Variants in NME8 observed in about 807,000 individuals in gnomAD.
NME8 encodes the protein NME/NM23 family member 8.
Under a neutral mutation model 82.3 loss-of-function variants are expected in NME8, and 72 were observed. The ratio of observed to expected loss-of-function variants is 0.87; its 90% CI spans 0.72 to 1.06. The LOEUF (loss-of-function observed/expected upper bound fraction) is 1.06, where lower values mean the gene tolerates loss of function less well. Among genes scored for constraint, NME8 ranks in the 50% least tolerant of loss-of-function variants. NME8 has a pLI of 0.00. For synonymous variants in NME8, 267 were observed against 228.5 expected, an observed-to-expected ratio of 1.17 and a Z score of -1.52; for missense variants, 712 against 685.4, an observed-to-expected ratio of 1.04 and a Z score of -0.43.
chr7:37,860,868 T>C (rs1456722896), intron 6 of NME8, among the ~76,000 whole-genome samples: 3 of 152,210 alleles, frequency 2.0e-5, no homozygotes, highest in Non-Finnish European at 4.4e-5. Flanking sequence ...ACTTATAATT[T>C]ATCCAGTTTT....
At chr7:37,895,366 T>G (rs11983934) in intron 16 of NME8, among the ~76,000 whole-genome samples, 35,442 of 152,088 alleles carry the variant, frequency 0.23, 4,103 homozygotes, top group Non-Finnish European at 0.24. Context: ...CTTTATTTCA[T>G]TTGACTCTTA....
chr7:37,885,948 T>G (rs1417198557), intron 14 of NME8, among the ~76,000 whole-genome samples: 1 of 152,168 alleles, frequency 6.6e-6, no homozygotes, highest in African/African-American at 2.4e-5. Flanking sequence ...CATACTCCCT[T>G]CAGGTGTGCA....
At chr7:37,852,359 A>G (rs553823294) in intron 5 of NME8, among the ~76,000 whole-genome samples, 61 of 152,094 alleles carry the variant, frequency 4.0e-4, no homozygotes, top group Middle Eastern at 6.8e-3. Context: ...ATTATTTACC[A>G]AAAGCCGTAG....
intron 6 of NME8, among the ~76,000 whole-genome samples, chr7:37,857,675 G>T (rs745978574): frequency 6.6e-5 from 10 of 152,126 alleles, no homozygotes; most frequent in Admixed American, 5.9e-4. Flanking sequence ...TAGCAAGAGA[G>T]AACTGGTTAT....
Position 37,888,266 on chromosome 7 carries a change from C to T in NME8, c.1248-11C>T. 1 of 1,613,210 alleles carries T rather than the reference C, an allele frequency of 6.2e-7. No homozygotes were observed. The highest frequency in any genetic ancestry group is 1.3e-5 in the African/African-American group (1 of 74,974). ...TTCTAATAGCTTTTAAACCTGACTT[C>T]TTTTTCAAAGTTTATGTGCACAGTT... On this transcript the variant is annotated splice_polypyrimidine_tract_variant and intron_variant, in intron 14 of 17. Transcript: ENST00000199447.
intron 12 of NME8, among the ~76,000 whole-genome samples, chr7:37,881,121 C>G (rs962525252): frequency 1.3e-5 from 2 of 152,096 alleles, no homozygotes; most frequent in Non-Finnish European, 2.9e-5. Context: ...GTTTCATTTC[C>G]TCATTCTGAA....
chr7:37,852,509 C>T (rs1028626440), intron 5 of NME8, among the ~76,000 whole-genome samples: 2 of 152,164 alleles, frequency 1.3e-5, no homozygotes, highest in African/African-American at 4.8e-5. Context: ...TCATCTCTCC[C>T]TACCTCATAA....
At position 37,850,734 on chromosome 7, in the gene NME8, T is replaced by C. The variant is rs779697883; in HGVS notation, c.197T>C (p.Val66Ala). The C allele has an allele frequency of 6.2e-7, 1 of 1,605,644 alleles. No homozygotes were observed. Among genetic ancestry groups the C allele is most frequent in the South Asian group, 1.1e-5 (1 of 90,934 alleles). Residue 66 changes from valine to alanine, a missense_variant and splice_region_variant, in exon 5 of 18, where the codon GTC becomes GCC. By Grantham distance (64) the Val-to-Ala change is moderately conservative. Coordinates refer to ENST00000199447, the MANE Select transcript of NME8 (RefSeq NM_016616.5). Reference protein sequence around the residue: ...LNEDEILHFAVAEADNIVTLQ... With the variant: ...LNEDEILHFAAAEADNIVTLQ... ...GAAGACGAAATTCTGCATTTTGCTG[T>C]CGTAAGAATTTTGTTTTCATTAAAC...
rs1186818488 is a variant in NME8, at chr7:37,865,506, C to G, written c.529-19C>G. ...GTGATCCCACGACACCTGGATTTGA[C>G]CTTACTCTCTAATTGAAGATTACCA... is the stretch of plus-strand genomic sequence containing the variant. On this transcript the variant is annotated intron_variant, in intron 9 of 17. Coordinates refer to ENST00000199447, the MANE Select transcript of NME8 (RefSeq NM_016616.5). 3 of 1,556,226 alleles carry G rather than the reference C, an allele frequency of 1.9e-6. No individual in the cohort carries two copies. The highest frequency in any genetic ancestry group is 2.7e-6 in the Non-Finnish European group (3 of 1,127,390).
At chr7:37,868,123 A>C (rs940207732) in intron 11 of NME8, among the ~76,000 whole-genome samples, 5 of 152,232 alleles carry the variant, frequency 3.3e-5, no homozygotes, top group African/African-American at 1.2e-4. Flanking sequence ...TAGGGTAGTA[A>C]GAATTTACAG....
chr7:37,896,806 G>A, intron 16 of NME8, 64 bp from the exon 17 acceptor site: 3 of 1,376,616 alleles, frequency 2.2e-6, no homozygotes, highest in Non-Finnish European at 3.1e-6. Context: ...TCTGTCTTTA[G>A]CCTTGTTTGC....
intron 5 of NME8, among the ~76,000 whole-genome samples, chr7:37,852,573 A>T (rs989782397): frequency 6.6e-6 from 1 of 152,144 alleles, no homozygotes; most frequent in African/African-American, 2.4e-5. Flanking sequence ...CTTTTCCAGA[A>T]TGTCATATAG....
chr7:37,890,596 T>C (rs185292221), intron 15 of NME8, among the ~76,000 whole-genome samples: 1 of 152,072 alleles, frequency 6.6e-6, no homozygotes, highest in East Asian at 1.9e-4. Context: ...TCCCCACCTC[T>C]AGTGAGCACC....
intron 16 of NME8, among the ~76,000 whole-genome samples, chr7:37,896,003 A>C (rs931187442): frequency 1.3e-5 from 2 of 152,116 alleles, no homozygotes; most frequent in Admixed American, 1.3e-4. Flanking sequence ...TATCTGCATT[A>C]TTAAGAGGTA....
At chr7:37,875,370 T>C (rs1029480179) in intron 11 of NME8, among the ~76,000 whole-genome samples, 1 of 152,004 alleles carries the variant, frequency 6.6e-6, no homozygotes, top group Non-Finnish European at 1.5e-5. Context: ...GGTTAAAATA[T>C]CTGCAGCTTA....
intron 11 of NME8, among the ~76,000 whole-genome samples, chr7:37,873,370 A>AAAAAAAAAAAAAAAG (rs796807809): frequency 4.1e-5 from 6 of 147,030 alleles, no homozygotes; most frequent in African/African-American, 1.5e-4. Flanking sequence ...AAAAAAAAAA[A>AAAAAAAAAAAAAAAG]AAAAGAAAAG....
At chr7:37,883,761 A>C (rs1784998791) in intron 12 of NME8, among the ~76,000 whole-genome samples, 1 of 152,160 alleles carries the variant, frequency 6.6e-6, no homozygotes, top group Non-Finnish European at 1.5e-5. Flanking sequence ...TTCTGTAAGG[A>C]AGGATGGAGG....
rs746168002 is a variant in NME8 at position 37,857,325 on chromosome 7, C to G, written c.250C>G (p.Pro84Ala). The stretch of plus-strand genomic sequence containing the variant: ...GCAGCCATTTAGAGATAAATGTGAA[C>G]CTGTTTTTCTCTTTAGTGTTGTAAG... ...TLQPFRDKCEPVFLFSVNGKI... is the reference protein window; with the variant it reads ...TLQPFRDKCEAVFLFSVNGKI... Residue 84 changes from proline (P) to alanine (A), a missense_variant, in exon 6 of 18, where the codon CCT (proline) becomes GCT (alanine). Physicochemically the swap from Pro to Ala is conservative, Grantham distance 27. Transcript: ENST00000199447. 1.9e-6 allele frequency: 3 copies of G among 1,610,406 alleles called. No individual in the cohort carries two copies. The highest frequency in any genetic ancestry group is 2.5e-6 in the Non-Finnish European group (3 of 1,177,432).
At position 37,881,182 on chromosome 7, in the gene NME8, T is replaced by C. The variant is rs529609299; in HGVS notation, c.995-3121T>C. 2.2e-3 allele frequency among the ~76,000 whole-genome samples: 340 copies of C among 152,294 alleles called. 1 individual carries two copies. Among genetic ancestry groups the C allele is most frequent in the Non-Finnish European group, 3.9e-3 (263 of 68,014 alleles). ...TTGTGTTATTTCTTTAGCTAAGATT[T>C]CCAGTATGAATTTGAAGAGGAGTAG... On this transcript the variant is annotated intron_variant, in intron 12 of 17. Coordinates refer to ENST00000199447, the MANE Select transcript of NME8 (RefSeq NM_016616.5).
Sources: allele counts gnomAD v4.1 joint callset (sites outside exome capture counted in the v4.1 genomes callset), GRCh38; gene constraint gnomAD v4.1.1; transcripts MANE v1.5; gene names NCBI Gene and HGNC (gene_info 2026-07-23, HGNC 2026-07-21).